Variants in ZMYND8 observed in about 807,000 individuals in gnomAD.
The protein encoded by ZMYND8 is zinc finger MYND-type containing 8, also known as MYND-type zinc finger-containing chromatin reader ZMYND8.
Under a neutral mutation model 140.8 loss-of-function variants are expected in ZMYND8, and 37 were observed. That is an observed-to-expected ratio of 0.26 (90% CI 0.20 to 0.35). The LOEUF (loss-of-function observed/expected upper bound fraction) is 0.35, where lower values mean the gene tolerates loss of function less well. Among genes scored for constraint, ZMYND8 ranks in the 10% least tolerant of loss-of-function variants. The pLI, the probability that ZMYND8 is intolerant of heterozygous loss-of-function variation, is 1.00. For synonymous variants in ZMYND8, 592 were observed against 597.1 expected (o/e 0.99, Z 0.12); for missense variants, 1,068 against 1,570.0 (o/e 0.68, Z 5.40).
At chr20:47,212,282 G>A (rs1277833444) in intron 22 of ZMYND8, among the ~76,000 whole-genome samples, 2 of 152,174 alleles carry the variant, frequency 1.3e-5, no homozygotes, top group African/African-American at 4.8e-5. Context: ...CCAGAACCAG[G>A]CTGGCTAATG....
intron 2 of ZMYND8, among the ~76,000 whole-genome samples, chr20:47,344,187 A>G (rs1376563156): frequency 2.6e-5 from 4 of 152,020 alleles, no homozygotes; most frequent in Admixed American, 1.3e-4. Context: ...CATGTTGGCC[A>G]GGATGGTCTC....
At chr20:47,342,806 C>A (rs1217346934) in intron 2 of ZMYND8, among the ~76,000 whole-genome samples, 2 of 146,608 alleles carry the variant, frequency 1.4e-5, no homozygotes, top group African/African-American at 2.5e-5. Context: ...GAGATCACAC[C>A]ACCGCACTCC....
chr20:47,236,632 T>A, intron 15 of ZMYND8, 116 bp from the exon 16 acceptor site: 1 of 1,101,922 alleles, frequency 9.1e-7, no homozygotes, highest in Non-Finnish European at 1.2e-6. Context: ...TACTTTTAAA[T>A]GACAAAGATG....
At chr20:47,347,483 A>T (rs1300263250) in intron 2 of ZMYND8, among the ~76,000 whole-genome samples, 1 of 152,202 alleles carries the variant, frequency 6.6e-6, no homozygotes, top group Admixed American at 6.5e-5. Flanking sequence ...CACTTCTGGG[A>T]TTCCAAAGAG....
At chr20:47,254,985 A>C (rs2074480295) in intron 12 of ZMYND8, among the ~76,000 whole-genome samples, 1 of 152,080 alleles carries the variant, frequency 6.6e-6, no homozygotes, top group Non-Finnish European at 1.5e-5. Context: ...CTCTACTAAA[A>C]ATACAAAAAT....
At chr20:47,242,288 G>GC (rs1367773626) in intron 14 of ZMYND8, among the ~76,000 whole-genome samples, 1 of 152,176 alleles carries the variant, frequency 6.6e-6, no homozygotes, top group African/African-American at 2.4e-5. Flanking sequence ...GATGTTGCTG[G>GC]CCCTTGTACT....
Position 47,246,200 on chromosome 20 carries a change from T to C in ZMYND8, c.2092A>G (p.Lys698Glu). 6.2e-7 allele frequency: 1 copy of C among 1,614,184 alleles called. No individual in the cohort carries two copies. The highest frequency in any genetic ancestry group is 8.5e-7 in the Non-Finnish European group (1 of 1,180,034). The change falls in exon 14 of 23, where the codon AAG (lysine) becomes GAG (glutamate). Residue 698 changes from lysine (K) to glutamate (E), a missense_variant. Physicochemically the swap from Lys to Glu is moderately conservative, Grantham distance 56. Around this residue, in one of 10 missense-constraint regions of ZMYND8, gnomAD observed 383 missense variants for 431.2 expected, o/e 0.89. Transcript: ENST00000471951. The part of the protein sequence containing the change: ...SPEPEKDFSE[K>E]AKPSPHPIKD... Reference sequence around the variant, plus strand: ...ATGGGGTGAGGTGAAGGTTTTGCCTTTTCGGAAAAGTCCTTCTCAGGCTCA... The same window carrying C: ...ATGGGGTGAGGTGAAGGTTTTGCCTCTTCGGAAAAGTCCTTCTCAGGCTCA...
chr20:47,219,110 C>T lies in ZMYND8; in HGVS notation c.3484+1148G>A, dbSNP rs1201484748. ...TCTCGCTCTGTCTTCCAGGCTGGAG[C>T]GCAGTGGCACGATCTCGACTCACTG... On this transcript the variant is annotated intron_variant, in intron 21 of 22. Coordinates refer to ENST00000471951, the MANE Select transcript of ZMYND8 (RefSeq NM_001281775.3). Among the ~76,000 whole-genome samples, 8 of 140,066 alleles carry T rather than the reference C, an allele frequency of 5.7e-5. No homozygotes were observed. In the East Asian group the frequency reaches 8.6e-4, roughly 15 times the overall value. 91.9% of individuals were successfully genotyped at this position (140,066 alleles called of 152,430 possible).
chr20:47,312,412 G>A (rs1259517911), intron 2 of ZMYND8, among the ~76,000 whole-genome samples: 1 of 152,158 alleles, frequency 6.6e-6, no homozygotes, highest in Non-Finnish European at 1.5e-5. Context: ...GCTGCGTGGA[G>A]ACCCAGTCAT....
rs568781580 is a variant in ZMYND8 at position 47,310,536 on chromosome 20, G to A, written c.86-332C>T. The stretch of plus-strand genomic sequence containing the variant: ...AGGAGGGCCAGGCACGGTGGCTCAT[G>A]CCTGTAATCCCAGCACTTTGGGAGG... On this transcript the variant is annotated intron_variant, in intron 2 of 22. Coordinates refer to ENST00000471951, the MANE Select transcript of ZMYND8 (RefSeq NM_001281775.3). 3.9e-5 allele frequency among the ~76,000 whole-genome samples: 6 copies of A among 151,984 alleles called. No individual in the cohort carries two copies. In the South Asian group the frequency reaches 6.2e-4, roughly 16 times the overall value.
intron 14 of ZMYND8, among the ~76,000 whole-genome samples, chr20:47,241,738 A>G (rs1187902137): frequency 1.3e-5 from 2 of 152,072 alleles, no homozygotes. Flanking sequence ...ACCCAGGTAC[A>G]AGCCAGCACC....
At chr20:47,284,200 G>A (rs2076782532) in intron 8 of ZMYND8, among the ~76,000 whole-genome samples, 1 of 152,140 alleles carries the variant, frequency 6.6e-6, no homozygotes, top group Admixed American at 6.5e-5. Flanking sequence ...TAGGATTACA[G>A]GTGTGAGCCA....
chr20:47,267,465 A>C (rs1327736829), intron 11 of ZMYND8, among the ~76,000 whole-genome samples: 7 of 140,568 alleles, frequency 5.0e-5, no homozygotes, highest in African/African-American at 1.8e-4. Context: ...GTAAATAGGA[A>C]GAAAATGTCT....
chr20:47,230,520 C>T (rs1175517022), intron 16 of ZMYND8, among the ~76,000 whole-genome samples: 1 of 151,966 alleles, frequency 6.6e-6, no homozygotes, highest in African/African-American at 2.4e-5. Context: ...TCTTGAACTC[C>T]CGACCTCAAG....
intron 14 of ZMYND8, among the ~76,000 whole-genome samples, chr20:47,241,545 T>C (rs2039971779): frequency 1.3e-5 from 2 of 151,856 alleles, no homozygotes; most frequent in African/African-American, 4.8e-5. Flanking sequence ...TTTGAGTAAG[T>C]GAGGGCAGGC....
At chr20:47,299,320 T>A (rs1271837146) in intron 3 of ZMYND8, among the ~76,000 whole-genome samples, 1 of 152,160 alleles carries the variant, frequency 6.6e-6, no homozygotes, top group Admixed American at 6.5e-5. Context: ...TTCTCATCTG[T>A]AAAATGGAGA....
chr20:47,298,293 A>C lies in ZMYND8; in HGVS notation c.453+436T>G, dbSNP rs2077775554. On this transcript the variant is annotated intron_variant, in intron 4 of 22. Coordinates refer to ENST00000471951, the MANE Select transcript of ZMYND8 (RefSeq NM_001281775.3). This position sits in a 1 kb window ranked among gnomAD's most constrained non-coding sequence, Gnocchi z 5.0. ...AAAGAAAGCACCAGACGGCCACTAC[A>C]GGGAACATGCAACCAAACGTGGTCT... 2.0e-6 allele frequency: 2 copies of C among 985,430 alleles called. No individual in the cohort carries two copies. The highest frequency in any genetic ancestry group is 2.4e-6 in the Non-Finnish European group (2 of 829,928). 61.0% of individuals were successfully genotyped at this position (985,430 alleles called of 1,614,324 possible).
rs148406956 is a variant in ZMYND8, at chr20:47,304,960, G to A, written c.234+5096C>T. On this transcript the variant is annotated intron_variant, in intron 3 of 22. Coordinates refer to ENST00000471951, the MANE Select transcript of ZMYND8 (RefSeq NM_001281775.3). ...TCTCAGCCCAACAAAAGACTTCTGTGGGCCTAGTGCAGTGGTTCACACCTC... is the reference window on the plus strand; with the variant it reads ...TCTCAGCCCAACAAAAGACTTCTGTAGGCCTAGTGCAGTGGTTCACACCTC... 5.7e-3 allele frequency among the ~76,000 whole-genome samples: 871 copies of A among 152,224 alleles called. 6 individuals are homozygous for A. Among genetic ancestry groups the A allele is most frequent in the African/African-American group, 0.02 (838 of 41,528 alleles).
At chr20:47,252,291 C>CAAAA (rs144291181) in intron 12 of ZMYND8, among the ~76,000 whole-genome samples, 7 of 68,928 alleles carry the variant, frequency 1.0e-4, no homozygotes, top group Non-Finnish European at 1.6e-4. Context: ...GACTCTGTCT[C>CAAAA]AAAAAAAAAA....
Sources: gnomAD v4.1 joint callset for allele counts (sites outside exome capture counted in the v4.1 genomes callset) on GRCh38, gnomAD v4.1.1 for gene constraint, gnomAD v4.1.1 regional missense constraint, Gnocchi (gnomAD v3.1) non-coding constraint, MANE v1.5 for transcripts, NCBI Gene and HGNC (gene_info 2026-07-23, HGNC 2026-07-21) for gene names.